PRKCA: variants seen among roughly 807,000 people sequenced by gnomAD.
The protein encoded by PRKCA is protein kinase C alpha type.
PRKCA carries 27 observed loss-of-function variants against 87.0 expected under a neutral mutation model. That is an observed-to-expected ratio of 0.31 (90% CI 0.23 to 0.43). PRKCA has a LOEUF of 0.43. PRKCA is among the 20% of genes least tolerant of loss of function. The probability of loss-of-function intolerance (pLI) is 1.00; values close to 1 mark genes in which losing one functional copy is unlikely to be tolerated. For missense variants in PRKCA, 518 were observed against 852.3 expected (o/e 0.61, Z 4.88); for synonymous variants, 329 against 311.1 (o/e 1.06, Z -0.61).
rs185279633 is a variant in PRKCA at position 66,445,333 on chromosome 17, G to A, written c.206-50868G>A. Among the ~76,000 whole-genome samples the A allele has an allele frequency of 6.6e-3, 1,004 of 152,346 alleles. 31 individuals carry two copies. Among genetic ancestry groups the A allele is most frequent in the Admixed American group, 0.056 (857 of 15,306 alleles). ...CTGTCCCACTCCAAATGGCATCCGG[G>A]ATTCACATACCAAGGCTGGCTGGGA... On this transcript the variant is annotated intron_variant, in intron 2 of 16. Transcript: ENST00000413366.
intron 13 of PRKCA, among the ~76,000 whole-genome samples, chr17:66,757,115 A>G (rs1974565797): frequency 6.6e-6 from 1 of 152,180 alleles, no homozygotes; most frequent in African/African-American, 2.4e-5. Flanking sequence ...AGCAGAAATG[A>G]AGAATGCCTT....
chr17:66,469,526 T>C (rs1915233312), intron 2 of PRKCA, among the ~76,000 whole-genome samples: 1 of 152,222 alleles, frequency 6.6e-6, no homozygotes, highest in South Asian at 2.1e-4. Context: ...TTTCTAGGTA[T>C]CTGAGCAATT....
intron 2 of PRKCA, among the ~76,000 whole-genome samples, chr17:66,471,645 AT>A (rs554913573): frequency 0.032 from 4,446 of 137,708 alleles, 66 homozygotes; most frequent in South Asian, 0.058. Flanking sequence ...CTGTTTTCTA[AT>A]TTTTTTTTTT....
intron 2 of PRKCA, among the ~76,000 whole-genome samples, chr17:66,464,576 G>A (rs1477798087): frequency 6.6e-6 from 1 of 152,142 alleles, no homozygotes; most frequent in African/African-American, 2.4e-5. Context: ...TAATAGGTGT[G>A]TAGTGGTATC....
Position 66,377,623 on chromosome 17 carries a change from T to TAC in PRKCA, c.205+71497_205+71498insCA, listed in dbSNP as rs1491043452. On this transcript the variant is annotated intron_variant, in intron 2 of 16. Transcript: ENST00000413366. The stretch of plus-strand genomic sequence containing the variant: ...TTTTATATATATAATGTCTATATTA[T>TAC]ATATATGTCTATATTATATATATAA... Among the ~76,000 whole-genome samples, 79 of 131,732 alleles carry TAC rather than the reference T, an allele frequency of 6.0e-4. 1 individual carries two copies. The highest frequency in any genetic ancestry group is 1.2e-3 in the Non-Finnish European group (70 of 58,452). The allele number at this position is 131,732 out of a possible 152,430, so 86.4% of individuals were successfully genotyped here.
chr17:66,432,870 A>G (rs1293876887), intron 2 of PRKCA, among the ~76,000 whole-genome samples: 2 of 152,134 alleles, frequency 1.3e-5, no homozygotes, highest in African/African-American at 4.8e-5. Flanking sequence ...GTTGGAGCAA[A>G]AGTAATTGTG....
At chr17:66,655,331 T>C (rs1467531935) in intron 5 of PRKCA, among the ~76,000 whole-genome samples, 3 of 152,052 alleles carry the variant, frequency 2.0e-5, no homozygotes, top group South Asian at 2.1e-4. Flanking sequence ...ATTTACCCCT[T>C]ATGTCCCCTA....
intron 13 of PRKCA, among the ~76,000 whole-genome samples, chr17:66,772,716 T>A (rs138784514): frequency 6.6e-6 from 1 of 151,972 alleles, no homozygotes. Context: ...TCCATGTTAC[T>A]CCCTTCCACG....
intron 3 of PRKCA, among the ~76,000 whole-genome samples, chr17:66,516,009 T>A (rs1040559269): frequency 2.0e-5 from 3 of 152,234 alleles, no homozygotes; most frequent in African/African-American, 7.2e-5. Context: ...TCAATACTTG[T>A]GTTTATTCAG....
At position 66,631,072 on chromosome 17, in the gene PRKCA, T is replaced by C. The variant is rs979187628; in HGVS notation, c.289-10283T>C. 3.3e-5 allele frequency among the ~76,000 whole-genome samples: 5 copies of C among 152,320 alleles called. No individual in the cohort carries two copies. The South Asian group carries it at 8.3e-4, about 25-fold the overall frequency. ...TTGAGTACTCTGCCATTTCTTTTTTTCCTCTGCTGTGAGATTGCATATGTC... is the reference window on the plus strand; with the variant it reads ...TTGAGTACTCTGCCATTTCTTTTTTCCCTCTGCTGTGAGATTGCATATGTC... On this transcript the variant is annotated intron_variant, in intron 3 of 16. Coordinates refer to ENST00000413366, the MANE Select transcript of PRKCA (RefSeq NM_002737.3).
chr17:66,489,358 T>TATAA (rs1916122399), intron 2 of PRKCA, among the ~76,000 whole-genome samples: 1 of 40,096 alleles, frequency 2.5e-5, no homozygotes, highest in Admixed American at 2.7e-4. Context: ...AGTGCATATA[T>TATAA]ATATATATAT....
At chr17:66,455,657 A>G (rs1294824888) in intron 2 of PRKCA, among the ~76,000 whole-genome samples, 1 of 152,190 alleles carries the variant, frequency 6.6e-6, no homozygotes, top group Non-Finnish European at 1.5e-5. Context: ...CATTTTGATT[A>G]ACTGGGATCT....
chr17:66,371,300 G>T (rs1909092253), intron 2 of PRKCA, among the ~76,000 whole-genome samples: 1 of 152,180 alleles, frequency 6.6e-6, no homozygotes, highest in Admixed American at 6.5e-5. Flanking sequence ...AATGAAGAGA[G>T]AATTGTTTCA....
chr17:66,402,657 G>C (rs1022798756), intron 2 of PRKCA, among the ~76,000 whole-genome samples: 1 of 152,018 alleles, frequency 6.6e-6, no homozygotes, highest in Non-Finnish European at 1.5e-5. Context: ...AGTGGCTCTG[G>C]GTGACACCAG....
At chr17:66,569,486 T>G (rs942510911) in intron 3 of PRKCA, among the ~76,000 whole-genome samples, 4 of 152,118 alleles carry the variant, frequency 2.6e-5, no homozygotes, top group African/African-American at 9.7e-5. Flanking sequence ...GGAGAATCGC[T>G]TGAACCCAGG....
At chr17:66,784,583 A>G (rs1975332261) in intron 14 of PRKCA, among the ~76,000 whole-genome samples, 3 of 152,232 alleles carry the variant, frequency 2.0e-5, no homozygotes, top group Admixed American at 2.0e-4. Flanking sequence ...CTCCTTCGCC[A>G]AAACTCAGCC....
At position 66,803,496 on chromosome 17, in the gene PRKCA, G is replaced by A. The variant is rs575570140; in HGVS notation, c.1855-377G>A. On this transcript the variant is annotated intron_variant, in intron 16 of 16. Coordinates refer to ENST00000413366, the MANE Select transcript of PRKCA (RefSeq NM_002737.3). This position sits in a 1 kb window ranked among gnomAD's most constrained non-coding sequence, Gnocchi z 4.4. ...GGGGTAACTGCCTGCAGCCCCAGCC[G>A]ACATCCTGGCCTTTCAACACGGAGC... Among the ~76,000 whole-genome samples, 8 of 152,296 alleles carry A rather than the reference G, an allele frequency of 5.3e-5. No individual in the cohort carries two copies. The highest frequency in any genetic ancestry group is 1.3e-4 in the Admixed American group (2 of 15,304).
At chr17:66,478,189 G>A (rs759461644) in intron 2 of PRKCA, among the ~76,000 whole-genome samples, 1 of 152,156 alleles carries the variant, frequency 6.6e-6, no homozygotes, top group Non-Finnish European at 1.5e-5. Flanking sequence ...ACATGTGAGA[G>A]GGAGTAGAGG....
intron 3 of PRKCA, among the ~76,000 whole-genome samples, chr17:66,587,919 A>G (rs1214320400): frequency 0.029 from 3,309 of 116,100 alleles, 409 homozygotes; most frequent in African/African-American, 0.099. Context: ...ATATATATAT[A>G]TATATATATA....
Sources: allele counts gnomAD v4.1 joint callset (sites outside exome capture counted in the v4.1 genomes callset), GRCh38; gene constraint gnomAD v4.1.1; non-coding constraint Gnocchi (gnomAD v3.1); transcripts MANE v1.5; gene names NCBI Gene and HGNC (gene_info 2026-07-23, HGNC 2026-07-21).